The following PDE5A variants were observed in gnomAD, a reference collection of about 807,000 sequenced individuals.
The protein encoded by PDE5A is phosphodiesterase 5A, also known as cGMP-specific 3',5'-cyclic phosphodiesterase.
Under a neutral mutation model 110.2 loss-of-function variants are expected in PDE5A, and 67 were observed. The observed-to-expected ratio is 0.61, with a 90% CI of 0.50 to 0.75. The LOEUF (loss-of-function observed/expected upper bound fraction) is 0.75. Among genes scored for constraint, PDE5A ranks in the 30% least tolerant of loss-of-function variants. The pLI, the probability that PDE5A is intolerant of heterozygous loss-of-function variation, is 0.00. For missense variants in PDE5A, 862 were observed against 1,045.1 expected, an observed-to-expected ratio of 0.82 and a Z score of 2.42; for synonymous variants, 328 against 351.2, an observed-to-expected ratio of 0.93 and a Z score of 0.74.
intron 14 of PDE5A, among the ~76,000 whole-genome samples, chr4:119,518,752 T>C (rs1013333314): frequency 5.3e-5 from 8 of 152,192 alleles, no homozygotes; most frequent in African/African-American, 1.9e-4. Flanking sequence ...TTTTCTAAAC[T>C]AGTCTTAATA....
At chr4:119,503,017 A>C (rs12502423) in intron 18 of PDE5A, among the ~76,000 whole-genome samples, 40,144 of 152,068 alleles carry the variant, frequency 0.26, 5,420 homozygotes, top group East Asian at 0.38. Flanking sequence ...CTATTCTCTT[A>C]CCTGGTTAGA....
Position 119,596,529 on chromosome 4 carries a change from C to T in PDE5A, c.825G>A (p.Arg275=). The stretch of plus-strand genomic sequence containing the variant: ...AAATGGAAAATTGGCTTACCTCTTC[C>T]CTATGATTCTTAATTGGCATACAAA... ...SILCMPIKNH[R]EEVVGVAQAI... is the part of the protein sequence containing the mutation. Residue 275 remains arginine (R), a synonymous_variant, in exon 3 of 21, where the codon AGG becomes AGA. Coordinates refer to ENST00000354960, the MANE Select transcript of PDE5A (RefSeq NM_001083.4). The T allele has an allele frequency of 6.4e-7, 1 of 1,572,832 alleles. No individual in the cohort carries two copies. Among genetic ancestry groups the T allele is most frequent in the Non-Finnish European group, 8.7e-7 (1 of 1,155,886 alleles).
rs1367764676 is a variant in PDE5A, at chr4:119,508,531, T to C, written c.2089-827A>G. ...AGATCTGAAGGCAAGGGATTTGTTA[T>C]GAAGACAGGAGAACTTCTGGGTATG... is the stretch of plus-strand genomic sequence containing the variant. On this transcript the variant is annotated intron_variant, in intron 15 of 20. Transcript: ENST00000354960. Among the ~76,000 whole-genome samples, 4 of 152,026 alleles carry C rather than the reference T, an allele frequency of 2.6e-5. No individual in the cohort carries two copies. The East Asian group carries it at 7.7e-4, about 29-fold the overall frequency.
Position 119,565,250 on chromosome 4 carries a change from C to T in PDE5A, c.993+71G>A, listed in dbSNP as rs899030800. The T allele has an allele frequency of 2.5e-5, 26 of 1,022,912 alleles. No individual in the cohort carries two copies. The African/African-American group carries it at 3.6e-4, about 14-fold the overall frequency. 63.4% of individuals were successfully genotyped at this position (1,022,912 alleles called of 1,614,324 possible). On this transcript the variant is annotated intron_variant, in intron 5 of 20. Transcript: ENST00000354960. Reference sequence around the variant, plus strand: ...ATCTAAATTTTTAATCATCTGCATACATTACTTGGATAAAAATGTAACAAT... The same window carrying T: ...ATCTAAATTTTTAATCATCTGCATATATTACTTGGATAAAAATGTAACAAT...
chr4:119,525,409 G>A lies in PDE5A; in HGVS notation c.1779+140C>T, dbSNP rs1726276719. The A allele has an allele frequency of 1.0e-5, 7 of 690,086 alleles. No homozygotes were observed. The allele number at this position is 690,086 out of a possible 1,614,324, so 42.7% of individuals were successfully genotyped here. On this transcript the variant is annotated intron_variant, in intron 12 of 20. Transcript: ENST00000354960. This position sits in a 1 kb window ranked among gnomAD's most constrained non-coding sequence, Gnocchi z 4.3. ...TGATAATTTTTCTTTAAAAGTCTCG[G>A]GTATATATTAGGTGACAGTATATTA...
In PDE5A at chr4:119,552,733, C is replaced by T. The variant is rs1727399967; in HGVS notation, c.1309-96G>A. ...AAACTATATGACACATTTGAAAGCA[C>T]TATATATTCAACTTTTATATTAGAG... On this transcript the variant is annotated intron_variant, in intron 8 of 20. Transcript: ENST00000354960. 5.1e-6 allele frequency: 3 copies of T among 587,666 alleles called. No individual in the cohort carries two copies. The African/African-American group carries it at 6.0e-5, about 12-fold the overall frequency. The allele number at this position is 587,666 out of a possible 1,614,324, so 36.4% of individuals were successfully genotyped here.
intron 2 of PDE5A, among the ~76,000 whole-genome samples, chr4:119,600,153 A>AAAG (rs1729292752): frequency 6.6e-6 from 1 of 151,818 alleles, no homozygotes; most frequent in African/African-American, 2.4e-5. Context: ...TAAAATCTAG[A>AAAG]AAGAGCTAGA....
chr4:119,608,899 C>A (rs1023495387), intron 1 of PDE5A, among the ~76,000 whole-genome samples: 8 of 152,244 alleles, frequency 5.3e-5, no homozygotes, highest in African/African-American at 1.9e-4. Flanking sequence ...CGGTGGCTCA[C>A]GCCTGTAATC....
chr4:119,501,530 C>G (rs1405024613), intron 19 of PDE5A, among the ~76,000 whole-genome samples: 1 of 152,128 alleles, frequency 6.6e-6, no homozygotes, highest in Admixed American at 6.6e-5. Context: ...AACTCCTGAC[C>G]TCAAGGGATC....
Position 119,607,226 on chromosome 4 carries a change from T to C in PDE5A, c.224A>G (p.His75Arg). The change falls in exon 2 of 21, where the codon CAC (histidine) becomes CGC (arginine). Residue 75 changes from histidine to arginine, a missense_variant. Coordinates refer to ENST00000354960, the MANE Select transcript of PDE5A (RefSeq NM_001083.4). ...CAAGGGACAAGAGCAAGATTCGGTG[T>C]GGCCTCTGATACCTTCCTTGCACAC... is the stretch of plus-strand genomic sequence containing the variant. ...IPVCKEGIRG[H>R]TESCSCPLQQ... The C allele has an allele frequency of 6.2e-7, 1 of 1,614,064 alleles. No homozygotes were observed. Among genetic ancestry groups the C allele is most frequent in the Non-Finnish European group, 8.5e-7 (1 of 1,180,008 alleles).
At chr4:119,581,401 T>G (rs1184334192) in intron 3 of PDE5A, among the ~76,000 whole-genome samples, 1 of 152,282 alleles carries the variant, frequency 6.6e-6, no homozygotes, top group African/African-American at 2.4e-5. Flanking sequence ...ATCCATATAA[T>G]TTAACATAAG....
chr4:119,624,573 T>G (rs1225842148), intron 1 of PDE5A, among the ~76,000 whole-genome samples: 1 of 152,220 alleles, frequency 6.6e-6, no homozygotes, highest in Non-Finnish European at 1.5e-5. Flanking sequence ...TGCCCTCACT[T>G]AATATCTCTT....
At chr4:119,600,205 G>GAA (rs1560635311) in intron 2 of PDE5A, among the ~76,000 whole-genome samples, 1 of 151,888 alleles carries the variant, frequency 6.6e-6, no homozygotes, top group East Asian at 1.9e-4. Context: ...TATAAAAAGA[G>GAA]TAAGGAAGCC....
At chr4:119,607,619 C>A (rs1280123883) in intron 1 of PDE5A, among the ~76,000 whole-genome samples, 2 of 152,014 alleles carry the variant, frequency 1.3e-5, no homozygotes, top group East Asian at 1.9e-4. Context: ...TGCCTATGAT[C>A]CTAACTACTG....
At chr4:119,565,959 TA>T (rs1318404621) in intron 4 of PDE5A, among the ~76,000 whole-genome samples, 2 of 134,408 alleles carry the variant, frequency 1.5e-5, no homozygotes, top group Non-Finnish European at 3.3e-5. Context: ...TATTATTAAT[TA>T]ATATTATTAT....
chr4:119,573,679 T>C (rs1728217798), intron 3 of PDE5A, among the ~76,000 whole-genome samples: 1 of 152,158 alleles, frequency 6.6e-6, no homozygotes, highest in African/African-American at 2.4e-5. Context: ...TATTCCATGG[T>C]TGGGGGATGA....
chr4:119,514,743 T>G (rs57594176), intron 14 of PDE5A, among the ~76,000 whole-genome samples: 1 of 152,174 alleles, frequency 6.6e-6, no homozygotes, highest in Non-Finnish European at 1.5e-5. Flanking sequence ...GCTAAGAACA[T>G]TCCCCTGTGA....
At chr4:119,533,228 G>A (rs1191200035) in intron 11 of PDE5A, among the ~76,000 whole-genome samples, 1 of 152,136 alleles carries the variant, frequency 6.6e-6, no homozygotes, top group Non-Finnish European at 1.5e-5. Context: ...ATCAGTGGCT[G>A]TAAGGAGACA....
intron 9 of PDE5A, among the ~76,000 whole-genome samples, chr4:119,551,583 G>T (rs571723642): frequency 2.6e-5 from 4 of 152,148 alleles, no homozygotes; most frequent in African/African-American, 9.7e-5. Flanking sequence ...CAGAATACTC[G>T]ATGCACACTG....
Sources: allele counts gnomAD v4.1 joint callset (sites outside exome capture counted in the v4.1 genomes callset), GRCh38; gene constraint gnomAD v4.1.1; non-coding constraint Gnocchi (gnomAD v3.1); transcripts MANE v1.5; gene names NCBI Gene and HGNC (gene_info 2026-07-23, HGNC 2026-07-21).